The following DOK6 variants were observed in gnomAD, a reference collection of about 807,000 sequenced individuals.
DOK6 encodes the protein docking protein 6.
Under a neutral mutation model 44.0 loss-of-function variants are expected in DOK6, and 22 were observed. That is an observed-to-expected ratio of 0.50 (90% CI 0.36 to 0.71). DOK6 has a LOEUF of 0.71. DOK6 is among the 30% of genes least tolerant of loss of function. DOK6 has a pLI of 0.00. For missense variants in DOK6, 340 were observed against 416.4 expected (o/e 0.82, Z 1.60); for synonymous variants, 166 against 145.5 (o/e 1.14, Z -1.01).
intron 5 of DOK6, among the ~76,000 whole-genome samples, chr18:69,719,322 C>T (rs1211698331): frequency 6.6e-6 from 1 of 152,170 alleles, no homozygotes; most frequent in Admixed American, 6.5e-5. Flanking sequence ...GAGGGGTCAA[C>T]AGGACTGGTT....
intron 3 of DOK6, among the ~76,000 whole-genome samples, chr18:69,607,509 TTAAAA>T (rs976570573): frequency 1.3e-5 from 2 of 150,316 alleles, no homozygotes; most frequent in African/African-American, 4.9e-5. Context: ...ATAAAAAAAA[TTAAAA>T]TAATAAACTT....
At chr18:69,448,346 C>G (rs138691638) in intron 1 of DOK6, among the ~76,000 whole-genome samples, 193 of 152,094 alleles carry the variant, frequency 1.3e-3, no homozygotes, top group African/African-American at 4.2e-3. Context: ...TGATGCCATC[C>G]CAAATTGATT....
intron 1 of DOK6, among the ~76,000 whole-genome samples, chr18:69,522,149 C>T (rs1178634891): frequency 6.6e-6 from 1 of 151,766 alleles, no homozygotes; most frequent in African/African-American, 2.4e-5. Flanking sequence ...GATAATTTTA[C>T]ACAGTGTCTT....
At chr18:69,528,383 GA>G (rs2144570876) in intron 1 of DOK6, among the ~76,000 whole-genome samples, 1 of 152,220 alleles carries the variant, frequency 6.6e-6, no homozygotes, top group Admixed American at 6.5e-5. Flanking sequence ...TTAGTAAAAG[GA>G]GGAAAACAAC....
intron 5 of DOK6, among the ~76,000 whole-genome samples, chr18:69,734,181 T>C (rs1978518707): frequency 6.6e-6 from 1 of 151,066 alleles, no homozygotes; most frequent in Admixed American, 6.6e-5. Flanking sequence ...CATTCAACAG[T>C]TTATTGAAGA....
At chr18:69,740,793 A>T (rs1457234134) in intron 6 of DOK6, among the ~76,000 whole-genome samples, 1 of 152,260 alleles carries the variant, frequency 6.6e-6, no homozygotes, top group Non-Finnish European at 1.5e-5. Flanking sequence ...TAGAAGTACC[A>T]TGAAAGTGTT....
At chr18:69,540,097 C>T (rs2144580373) in intron 1 of DOK6, among the ~76,000 whole-genome samples, 1 of 152,256 alleles carries the variant, frequency 6.6e-6, no homozygotes, top group South Asian at 2.1e-4. Flanking sequence ...ATGGGGGAAA[C>T]TGCCCCCAGG....
intron 5 of DOK6, among the ~76,000 whole-genome samples, chr18:69,736,547 T>C (rs1042911654): frequency 6.6e-6 from 1 of 152,074 alleles, no homozygotes; most frequent in Admixed American, 6.6e-5. Context: ...GAATTCTAGT[T>C]TGAAGTCAGG....
chr18:69,720,250 T>C (rs1298766654), intron 5 of DOK6, among the ~76,000 whole-genome samples: 1 of 152,180 alleles, frequency 6.6e-6, no homozygotes, highest in Non-Finnish European at 1.5e-5. Flanking sequence ...CTTGCGTTGA[T>C]GTTTAGGCCA....
At chr18:69,712,154 G>A (rs970182511) in intron 5 of DOK6, among the ~76,000 whole-genome samples, 5 of 147,616 alleles carry the variant, frequency 3.4e-5, no homozygotes, top group South Asian at 2.2e-4. Flanking sequence ...AGTGGCGGGC[G>A]CCTGTAGTCC....
chr18:69,456,063 A>G (rs902315601), intron 1 of DOK6, among the ~76,000 whole-genome samples: 2 of 152,210 alleles, frequency 1.3e-5, no homozygotes, highest in African/African-American at 4.8e-5. Flanking sequence ...CCATATAGAA[A>G]TAAACATTTA....
intron 1 of DOK6, among the ~76,000 whole-genome samples, chr18:69,530,155 C>A (rs934563255): frequency 6.6e-6 from 1 of 152,146 alleles, no homozygotes; most frequent in African/African-American, 2.4e-5. Context: ...GTGAACTGAA[C>A]AAGATCATAC....
chr18:69,837,823 G>A (rs1251981626), intron 7 of DOK6, among the ~76,000 whole-genome samples: 2 of 152,164 alleles, frequency 1.3e-5, no homozygotes, highest in East Asian at 1.9e-4. Context: ...GAAGTTATTT[G>A]TGATTATTGA....
At chr18:69,629,975 AG>A in intron 3 of DOK6, among the ~76,000 whole-genome samples, 1 of 152,174 alleles carries the variant, frequency 6.6e-6, no homozygotes, top group East Asian at 1.9e-4. Context: ...CGCGTTGGCC[AG>A]GCTGATGTCG....
intron 2 of DOK6, among the ~76,000 whole-genome samples, chr18:69,598,216 T>C (rs982253994): frequency 3.3e-5 from 5 of 151,800 alleles, no homozygotes; most frequent in African/African-American, 9.6e-5. Flanking sequence ...TAAGGAATAT[T>C]ACTTAAATAT....
intron 1 of DOK6, among the ~76,000 whole-genome samples, chr18:69,534,306 T>C (rs72963585): frequency 0.11 from 16,824 of 152,180 alleles, 1,286 homozygotes; most frequent in South Asian, 0.29. Flanking sequence ...TTTAGAGTTA[T>C]GCAATTGCAA....
chr18:69,732,517 A>G (rs780033857), intron 5 of DOK6, among the ~76,000 whole-genome samples: 4 of 152,216 alleles, frequency 2.6e-5, no homozygotes, highest in Non-Finnish European at 5.9e-5. Context: ...TATATTTTCA[A>G]AGATTTACTA....
At chr18:69,749,422 T>G (rs1979095369) in intron 6 of DOK6, among the ~76,000 whole-genome samples, 1 of 152,162 alleles carries the variant, frequency 6.6e-6, no homozygotes, top group Admixed American at 6.5e-5. Context: ...CTATTTATGA[T>G]GTAAGATTAT....
At chr18:69,643,693 A>G (rs2144656236) in intron 3 of DOK6, 1 of 152,330 alleles carries the variant, frequency 6.6e-6, no homozygotes, top group African/African-American at 2.4e-5. Flanking sequence ...GAGCCTTTAG[A>G]AATAAAACTG....
Sources: gnomAD v4.1 joint callset for allele counts (sites outside exome capture counted in the v4.1 genomes callset) on GRCh38, gnomAD v4.1.1 for gene constraint, MANE v1.5 for transcripts, NCBI Gene and HGNC (gene_info 2026-07-23, HGNC 2026-07-21) for gene names.